The following NAV2 variants were observed in gnomAD, a reference collection of about 807,000 sequenced individuals.
The protein encoded by NAV2 is helicase, APC down-regulated 1.
In NAV2, 54 loss-of-function variants were observed where a neutral mutation model predicts 223.2. The observed-to-expected ratio is 0.24, with a 90% CI of 0.19 to 0.30. The LOEUF (loss-of-function observed/expected upper bound fraction) is 0.30, where lower values mean the gene tolerates loss of function less well. Ranked by LOEUF, NAV2 falls within the 10% of genes least tolerant of loss-of-function variation. NAV2 has a pLI of 1.00. For missense variants in NAV2, 2,806 were observed against 3,147.5 expected (o/e 0.89, Z 2.60); for synonymous variants, 1,279 against 1,239.3 (o/e 1.03, Z -0.67).
At chr11:19,952,511 T>G (rs553848320) in intron 10 of NAV2, among the ~76,000 whole-genome samples, 1 of 152,356 alleles carries the variant, frequency 6.6e-6, no homozygotes, top group East Asian at 1.9e-4. Context: ...GTCCAGATGT[T>G]TATTTGGCTT....
intron 6 of NAV2, among the ~76,000 whole-genome samples, chr11:19,930,773 G>T (rs1017485116): frequency 2.0e-5 from 3 of 152,128 alleles, no homozygotes; most frequent in African/African-American, 7.2e-5. Flanking sequence ...AAAGGGAAAG[G>T]CAGTTTTCCT....
chr11:19,720,089 C>T (rs1041082723), intron 1 of NAV2, among the ~76,000 whole-genome samples: 11 of 152,230 alleles, frequency 7.2e-5, no homozygotes, highest in African/African-American at 2.4e-4. Context: ...GTAATGAGAG[C>T]TGGACCTTGT....
At chr11:19,955,204 C>T (rs758353169) in intron 10 of NAV2, among the ~76,000 whole-genome samples, 8 of 151,912 alleles carry the variant, frequency 5.3e-5, no homozygotes, top group Admixed American at 6.6e-5. Flanking sequence ...CCTAGGAGTT[C>T]AAGACCAGCC....
chr11:19,687,773 G>C (rs2049063410), intron 1 of NAV2, among the ~76,000 whole-genome samples: 1 of 46,268 alleles, frequency 2.2e-5, no homozygotes, highest in Admixed American at 4.1e-4. Flanking sequence ...ATGTGCATGT[G>C]TGTATGCATG....
chr11:19,380,568 C>A (rs1029873878), intron 1 of NAV2: 2 of 152,262 alleles, frequency 1.3e-5, no homozygotes, highest in African/African-American at 4.8e-5. Context: ...CAGGAAGTGG[C>A]AGAACCTTCA....
chr11:19,856,550 T>A (rs891578938), intron 3 of NAV2, among the ~76,000 whole-genome samples: 2 of 152,224 alleles, frequency 1.3e-5, no homozygotes, highest in African/African-American at 4.8e-5. Flanking sequence ...TACAACTAGC[T>A]TTTGAAATAA....
chr11:19,909,074 A>G lies in NAV2; in HGVS notation c.931+16480A>G, dbSNP rs183740862. On this transcript the variant is annotated intron_variant, in intron 6 of 37. Coordinates refer to ENST00000349880, the MANE Select transcript of NAV2 (RefSeq NM_145117.5). The stretch of plus-strand genomic sequence containing the variant: ...TGGCTTTCTGTTCATGCCATATTCA[A>G]GTAGATGTTATAACTCTAGCTCTTC... Among the ~76,000 whole-genome samples the G allele has an allele frequency of 2.6e-5, 4 of 152,324 alleles. No homozygotes were observed. The East Asian group carries it at 7.7e-4, about 29-fold the overall frequency.
chr11:19,397,778 C>T (rs1053340535), intron 1 of NAV2, among the ~76,000 whole-genome samples: 3 of 152,104 alleles, frequency 2.0e-5, no homozygotes, highest in East Asian at 3.9e-4. Context: ...GGGTGAGGTA[C>T]GTCTCCCCTC....
chr11:19,472,010 G>A (rs1011167627), intron 1 of NAV2, among the ~76,000 whole-genome samples: 4 of 152,116 alleles, frequency 2.6e-5, no homozygotes, highest in Non-Finnish European at 5.9e-5. Flanking sequence ...CAACTAACGG[G>A]TTGCTTTTAA....
Position 20,105,640 on chromosome 11 carries a change from C to G in NAV2, c.6754C>G (p.Leu2252Val), listed in dbSNP as rs1254833881. 7.4e-6 allele frequency: 12 copies of G among 1,613,890 alleles called. No homozygotes were observed. The Admixed American group carries it at 2.0e-4, about 27-fold the overall frequency. The change falls in exon 35 of 38, where the codon CTG becomes GTG. Residue 2252 changes from leucine to valine, a missense_variant. This residue lies in a region of NAV2 where 824 missense variants were observed against 1,069.4 expected (regional missense o/e 0.77). Transcript: ENST00000349880. ...EISGRVRNME[L>V]VKIIDWIPKV... ...CAGTGGGCGGGTGCGCAATATGGAG[C>G]TGGTAAAAATCATTGACTGGATTCC...
intron 18 of NAV2, 26 bp downstream of exon 18, chr11:20,054,266 T>A: frequency 1.3e-6 from 2 of 1,591,314 alleles, no homozygotes. Flanking sequence ...TCATTACCTA[T>A]GTTGATCAGC....
chr11:19,350,131 A>G (rs1328741617), upstream of NAV2, among the ~76,000 whole-genome samples: 2 of 112,580 alleles, frequency 1.8e-5, no homozygotes, highest in Non-Finnish European at 4.0e-5. Flanking sequence ...CACCCCATGG[A>G]AGTTTGAAAG....
chr11:20,110,532 C>T (rs2062536228), intron 36 of NAV2, among the ~76,000 whole-genome samples: 1 of 152,128 alleles, frequency 6.6e-6, no homozygotes, highest in Non-Finnish European at 1.5e-5. Context: ...TGCCCCGTAC[C>T]ATGTCCACTC....
chr11:19,634,713 G>A lies in NAV2; in HGVS notation c.76-197771G>A, dbSNP rs60085897. On this transcript the variant is annotated intron_variant, in intron 1 of 37. Coordinates refer to the NAV2 transcript ENST00000360655. ...GTGGGGGAAATGGACAAGGGAAGAG[G>A]CAATTAAACATTTCACAGGTTAGGT... is the stretch of plus-strand genomic sequence containing the variant. 6.2e-3 allele frequency among the ~76,000 whole-genome samples: 943 copies of A among 152,266 alleles called. 7 individuals are homozygous for A. The highest frequency in any genetic ancestry group is 0.019 in the African/African-American group (787 of 41,556).
At chr11:19,477,220 T>C (rs774344447) in intron 1 of NAV2, among the ~76,000 whole-genome samples, 12 of 152,122 alleles carry the variant, frequency 7.9e-5, no homozygotes, top group Non-Finnish European at 1.3e-4. Flanking sequence ...AAGAAAAAAA[T>C]GCAAACCCTA....
intron 1 of NAV2, among the ~76,000 whole-genome samples, chr11:19,686,452 C>T: frequency 6.6e-6 from 1 of 152,140 alleles, no homozygotes; most frequent in East Asian, 1.9e-4. Flanking sequence ...ATTGTGTGGT[C>T]TCAGGGTGGC....
At chr11:19,419,975 A>T (rs4515943) in intron 1 of NAV2, among the ~76,000 whole-genome samples, 2 of 151,974 alleles carry the variant, frequency 1.3e-5, no homozygotes, top group Admixed American at 1.3e-4. Context: ...TGTAAATAGC[A>T]GTGGCAGTTC....
At chr11:19,392,103 C>T (rs1355491821) in intron 1 of NAV2, among the ~76,000 whole-genome samples, 2 of 152,152 alleles carry the variant, frequency 1.3e-5, no homozygotes, top group Non-Finnish European at 2.9e-5. Context: ...TCTCCTTTTA[C>T]TTTGATGATG....
chr11:19,880,466 A>G (rs2063130882), intron 5 of NAV2, among the ~76,000 whole-genome samples: 1 of 152,216 alleles, frequency 6.6e-6, no homozygotes, highest in Admixed American at 6.5e-5. Context: ...CTACAAGCTG[A>G]ATGTTCACTG....
Sources: allele counts gnomAD v4.1 joint callset (sites outside exome capture counted in the v4.1 genomes callset), GRCh38; gene constraint gnomAD v4.1.1; regional missense constraint gnomAD v4.1.1; transcripts MANE v1.5; gene names NCBI Gene and HGNC (gene_info 2026-07-23, HGNC 2026-07-21).